RAD51B: variants seen among roughly 807,000 people sequenced by gnomAD.
The protein encoded by RAD51B is DNA repair protein RAD51 homolog 2.
In RAD51B, 38 loss-of-function variants were observed where a neutral mutation model predicts 42.2. The ratio of observed to expected loss-of-function variants is 0.90; its 90% CI spans 0.70 to 1.18. The LOEUF (loss-of-function observed/expected upper bound fraction) is 1.18. RAD51B is among the 50% of genes most tolerant of loss of function. The pLI is 0.00. For missense variants in RAD51B, 373 were observed against 400.7 expected, an observed-to-expected ratio of 0.93 and a Z score of 0.59; for synonymous variants, 154 against 145.2, an observed-to-expected ratio of 1.06 and a Z score of -0.43.
chr14:67,871,910 A>G (rs1258593730), intron 5 of RAD51B, among the ~76,000 whole-genome samples: 1 of 151,948 alleles, frequency 6.6e-6, no homozygotes, highest in East Asian at 1.9e-4. Context: ...AAAACTCTCA[A>G]TAAATTAGGT....
chr14:68,135,569 T>C (rs2077990723), intron 7 of RAD51B, among the ~76,000 whole-genome samples: 1 of 152,182 alleles, frequency 6.6e-6, no homozygotes, highest in Admixed American at 6.5e-5. Context: ...TCATTTCTTA[T>C]TATGGTAAGC....
chr14:68,061,540 C>T (rs189780663), intron 7 of RAD51B, among the ~76,000 whole-genome samples: 1 of 152,076 alleles, frequency 6.6e-6, no homozygotes, highest in African/African-American at 2.4e-5. Context: ...GCTGCCTTTT[C>T]ATTTTTTTGT....
chr14:68,375,191 G>A lies in RAD51B; in HGVS notation c.854-36233G>A, dbSNP rs955399471. On this transcript the variant is annotated intron_variant, in intron 8 of 10. Coordinates refer to ENST00000471583, the MANE Select transcript of RAD51B (RefSeq NM_133510.4). Reference sequence around the variant, plus strand: ...TAGCACTTCAGGAGCCAGGGTGTGAGGATGTCCTTTAATCTCTTTGTATGT... The same window carrying A: ...TAGCACTTCAGGAGCCAGGGTGTGAAGATGTCCTTTAATCTCTTTGTATGT... 2.0e-5 allele frequency among the ~76,000 whole-genome samples: 3 copies of A among 152,106 alleles called. No individual in the cohort carries two copies. In the South Asian group the frequency reaches 6.2e-4, roughly 32 times the overall value.
intron 8 of RAD51B, among the ~76,000 whole-genome samples, chr14:68,326,977 A>G (rs1454093257): frequency 6.6e-6 from 1 of 152,130 alleles, no homozygotes; most frequent in African/African-American, 2.4e-5. Context: ...TGCTCCTTCA[A>G]ATCTCCTACC....
chr14:68,276,733 T>C (rs2139607402), intron 7 of RAD51B, among the ~76,000 whole-genome samples: 1 of 152,300 alleles, frequency 6.6e-6, no homozygotes, highest in African/African-American at 2.4e-5. Flanking sequence ...GCAATTGGTA[T>C]GTCAGCAGGG....
chr14:68,025,216 AT>A (rs2075933623), intron 7 of RAD51B, among the ~76,000 whole-genome samples: 1 of 152,028 alleles, frequency 6.6e-6, no homozygotes, highest in Non-Finnish European at 1.5e-5. Context: ...GGTGTATTAA[AT>A]TTTTGATATG....
intron 5 of RAD51B, 38 bp downstream of exon 5, chr14:67,865,177 T>C (rs1344899083): frequency 1.9e-6 from 3 of 1,552,518 alleles, no homozygotes; most frequent in East Asian, 2.3e-5. Context: ...GTTTTACTTT[T>C]GTAACTTATA....
chr14:68,677,803 G>T (rs907645851), intron 11 of RAD51B, among the ~76,000 whole-genome samples: 1 of 152,114 alleles, frequency 6.6e-6, no homozygotes, highest in African/African-American at 2.4e-5. Context: ...GGTCCTCTTG[G>T]GTAGGTGTTA....
chr14:68,045,424 A>G (rs1204796849), intron 7 of RAD51B, among the ~76,000 whole-genome samples: 1 of 152,078 alleles, frequency 6.6e-6, no homozygotes, highest in African/African-American at 2.4e-5. Context: ...ATTGTTACCC[A>G]TTTTAGTTCA....
chr14:67,896,154 G>A (rs2043410929), intron 7 of RAD51B, among the ~76,000 whole-genome samples: 1 of 152,130 alleles, frequency 6.6e-6, no homozygotes, highest in Non-Finnish European at 1.5e-5. Context: ...TTGAGTAGGT[G>A]TCCAATATAT....
chr14:68,056,691 T>A (rs767159453), intron 7 of RAD51B, among the ~76,000 whole-genome samples: 3 of 151,276 alleles, frequency 2.0e-5, no homozygotes, highest in Non-Finnish European at 4.4e-5. Flanking sequence ...GAGGTTGCAG[T>A]GAGCCGAGAT....
intron 8 of RAD51B, among the ~76,000 whole-genome samples, chr14:68,359,557 T>G (rs1334055477): frequency 2.6e-5 from 4 of 152,164 alleles, no homozygotes; most frequent in Non-Finnish European, 5.9e-5. Context: ...GCGTGGGTAC[T>G]GGGCAGCCAG....
At chr14:68,297,794 TGAA>T (rs1456394538) in intron 8 of RAD51B, among the ~76,000 whole-genome samples, 1 of 152,184 alleles carries the variant, frequency 6.6e-6, no homozygotes, top group Non-Finnish European at 1.5e-5. Context: ...AACTGAAGCA[TGAA>T]GGAGAGAAGA....
chr14:68,502,033 A>T (rs1884959252), intron 10 of RAD51B, among the ~76,000 whole-genome samples: 1 of 152,002 alleles, frequency 6.6e-6, no homozygotes, highest in African/African-American at 2.4e-5. Context: ...GGTCACCTTT[A>T]TCTGGGCTGG....
chr14:68,251,805 A>G (rs758374602), intron 7 of RAD51B, among the ~76,000 whole-genome samples: 2 of 152,236 alleles, frequency 1.3e-5, no homozygotes, highest in Non-Finnish European at 2.9e-5. Flanking sequence ...GTGTTGTTTA[A>G]AGATGACATG....
At chr14:68,678,400 C>T (rs768555718) in intron 11 of RAD51B, among the ~76,000 whole-genome samples, 8 of 152,336 alleles carry the variant, frequency 5.3e-5, no homozygotes, top group Middle Eastern at 3.4e-3. Flanking sequence ...ACTCACTTTA[C>T]GCTCTTCTTT....
chr14:68,343,417 C>T (rs2082610557), intron 8 of RAD51B, among the ~76,000 whole-genome samples: 2 of 151,982 alleles, frequency 1.3e-5, no homozygotes, highest in Admixed American at 1.3e-4. Flanking sequence ...ATATCATTGC[C>T]CAGAATAATG....
intron 10 of RAD51B, among the ~76,000 whole-genome samples, chr14:68,604,305 A>G (rs1304742464): frequency 6.6e-6 from 1 of 152,166 alleles, no homozygotes; most frequent in Non-Finnish European, 1.5e-5. Flanking sequence ...CCTTCTGGAA[A>G]GGGTCCTACA....
intron 10 of RAD51B, among the ~76,000 whole-genome samples, chr14:68,505,739 G>C (rs555789698): frequency 6.6e-6 from 1 of 151,964 alleles, no homozygotes; most frequent in Non-Finnish European, 1.5e-5. Context: ...TTTTAATAGA[G>C]ATGGGGTTTC....
Sources: allele counts gnomAD v4.1 joint callset (sites outside exome capture counted in the v4.1 genomes callset), GRCh38; gene constraint gnomAD v4.1.1; transcripts MANE v1.5; gene names NCBI Gene and HGNC (gene_info 2026-07-23, HGNC 2026-07-21).